The following OSBPL10 variants were observed in gnomAD, a reference collection of about 807,000 sequenced individuals.
OSBPL10 encodes oxysterol-binding protein-related protein 10.
OSBPL10 carries 49 observed loss-of-function variants against 81.7 expected under a neutral mutation model. That is an observed-to-expected ratio of 0.60 (90% confidence interval 0.48 to 0.76). The LOEUF (loss-of-function observed/expected upper bound fraction) is 0.76, where lower values mean the gene tolerates loss of function less well. Ranked by LOEUF, OSBPL10 falls within the 30% of genes least tolerant of loss-of-function variation. The pLI, the probability that OSBPL10 is intolerant of heterozygous loss-of-function variation, is 0.00. For synonymous variants in OSBPL10, 419 were observed against 383.6 expected (o/e 1.09, Z -1.08); for missense variants, 923 against 987.8 (o/e 0.93, Z 0.88).
At chr3:31,875,082 T>TA (rs555527834) in intron 3 of OSBPL10, among the ~76,000 whole-genome samples, 24,251 of 102,900 alleles carry the variant, frequency 0.24, 2,617 homozygotes, top group South Asian at 0.37. Context: ...ATATATTAAG[T>TA]AAAAAAAAAA....
intron 1 of OSBPL10, among the ~76,000 whole-genome samples, chr3:31,918,665 G>C (rs1156391468): frequency 6.6e-6 from 1 of 152,158 alleles, no homozygotes; most frequent in Non-Finnish European, 1.5e-5. Flanking sequence ...AGCAAAGTCA[G>C]TGTATGGGGT....
rs1373529186 is a variant in OSBPL10 at position 31,670,902 on chromosome 3, G to A, written c.1808C>T (p.Pro603Leu). 7.4e-6 allele frequency: 12 copies of A among 1,614,006 alleles called. No individual in the cohort carries two copies. The highest frequency in any genetic ancestry group is 7.6e-6 in the Non-Finnish European group (9 of 1,180,012). Residue 603 changes from proline (P) to leucine (L), a missense_variant, in exon 9 of 12, where the codon CCG becomes CTG. This residue lies in a region of OSBPL10 where 387 missense variants were observed against 436.3 expected (regional missense o/e 0.89). Transcript: ENST00000396556. ...SAYARSILTI[P>L]WVELGGKVSI... The stretch of plus-strand genomic sequence containing the variant: ...GACTTTTCCTCCGAGCTCCACCCAC[G>A]GGATGGTGAGAATGGACCGGGCGTA...
chr3:31,767,880 G>T (rs1023251204), intron 4 of OSBPL10, among the ~76,000 whole-genome samples: 9 of 152,172 alleles, frequency 5.9e-5, no homozygotes, highest in Non-Finnish European at 1.3e-4. Context: ...GAGGTCACAT[G>T]GGTCGTTGGC....
chr3:31,690,729 G>A (rs1352495603), intron 7 of OSBPL10, among the ~76,000 whole-genome samples: 1 of 152,194 alleles, frequency 6.6e-6, no homozygotes, highest in African/African-American at 2.4e-5. Flanking sequence ...AGCAGAATGG[G>A]TTGGGAGCAG....
intron 1 of OSBPL10, among the ~76,000 whole-genome samples, chr3:31,966,835 C>T (rs1462181906): frequency 1.3e-5 from 2 of 152,082 alleles, no homozygotes; most frequent in Non-Finnish European, 2.9e-5. Flanking sequence ...GGGAAATAAG[C>T]ACATGAAAAG....
chr3:32,027,261 T>C (rs1057250879), intron 2 of OSBPL10, among the ~76,000 whole-genome samples: 2 of 152,160 alleles, frequency 1.3e-5, no homozygotes, highest in African/African-American at 2.4e-5. Context: ...CTCCCACTTA[T>C]GAGTGAGAAC....
chr3:31,700,251 G>A (rs1425282754), intron 7 of OSBPL10: 1 of 152,156 alleles, frequency 6.6e-6, no homozygotes, highest in Non-Finnish European at 1.5e-5. Flanking sequence ...TGTGGCTCTG[G>A]AAATGCAAAA....
At chr3:31,713,139 T>C (rs6798710) in intron 6 of OSBPL10, among the ~76,000 whole-genome samples, 133,589 of 152,184 alleles carry the variant, frequency 0.88, 59,241 homozygotes, top group East Asian at 0.98. Flanking sequence ...GAAAGCCCTC[T>C]CCTCTTGACT....
At chr3:31,991,434 A>G (rs1699028180) in intron 2 of OSBPL10, 1 of 167,452 alleles carries the variant, frequency 6.0e-6, no homozygotes. Context: ...ATTTTGATCA[A>G]TGTTTGTAGA....
At chr3:32,051,336 C>G (rs879439018) in intron 1 of OSBPL10, among the ~76,000 whole-genome samples, 1 of 152,182 alleles carries the variant, frequency 6.6e-6, no homozygotes, top group Non-Finnish European at 1.5e-5. Flanking sequence ...TGTTATCTGA[C>G]TTTTTTCCTT....
At chr3:31,908,135 G>T (rs982148749) in intron 1 of OSBPL10, among the ~76,000 whole-genome samples, 2 of 152,166 alleles carry the variant, frequency 1.3e-5, no homozygotes, top group African/African-American at 4.8e-5. Flanking sequence ...GTGTGCTGGA[G>T]AAACAGCCAG....
chr3:31,705,372 ACC>A (rs3840254), intron 6 of OSBPL10, among the ~76,000 whole-genome samples: 70,663 of 130,794 alleles, frequency 0.54, 19,269 homozygotes, highest in Middle Eastern at 0.63. Flanking sequence ...CAAAGAGAAG[ACC>A]CCCCCCCCCA....
chr3:32,038,840 C>G (rs1444977484), intron 2 of OSBPL10, among the ~76,000 whole-genome samples: 2 of 151,958 alleles, frequency 1.3e-5, no homozygotes, highest in Non-Finnish European at 2.9e-5. Context: ...AAAATTATAA[C>G]CTAATAAAGC....
At chr3:31,777,394 C>T (rs1423615707) in intron 4 of OSBPL10, among the ~76,000 whole-genome samples, 1 of 152,166 alleles carries the variant, frequency 6.6e-6, no homozygotes, top group Non-Finnish European at 1.5e-5. Context: ...TCCCCCTAGC[C>T]TGCTGGTTAC....
chr3:31,881,905 A>G (rs1483840543), intron 1 of OSBPL10, among the ~76,000 whole-genome samples: 2 of 152,240 alleles, frequency 1.3e-5, no homozygotes, highest in African/African-American at 2.4e-5. Context: ...GAAGGAATTT[A>G]AAATCCAAGT....
At chr3:31,741,715 G>A (rs549055090) in intron 5 of OSBPL10, among the ~76,000 whole-genome samples, 3 of 152,280 alleles carry the variant, frequency 2.0e-5, no homozygotes, top group Admixed American at 1.3e-4. Flanking sequence ...GATATGGTTT[G>A]GCTCTGTATC....
chr3:32,036,066 T>A (rs912715678), intron 2 of OSBPL10, among the ~76,000 whole-genome samples: 13 of 152,194 alleles, frequency 8.5e-5, no homozygotes, highest in Non-Finnish European at 1.9e-4. Context: ...AAAATTTTTT[T>A]AGACAGGTTC....
intron 6 of OSBPL10, among the ~76,000 whole-genome samples, chr3:31,715,268 C>A (rs1443138774): frequency 6.6e-6 from 1 of 152,172 alleles, no homozygotes; most frequent in Non-Finnish European, 1.5e-5. Context: ...TAGTGGCTAC[C>A]ATATTGGACA....
chr3:31,831,142 C>T (rs1368406345), intron 3 of OSBPL10, among the ~76,000 whole-genome samples: 1 of 152,182 alleles, frequency 6.6e-6, no homozygotes, highest in Non-Finnish European at 1.5e-5. Context: ...TGCGGTGGCT[C>T]ACACCTGTAA....
Sources: allele counts gnomAD v4.1 joint callset (sites outside exome capture counted in the v4.1 genomes callset), GRCh38; gene constraint gnomAD v4.1.1; regional missense constraint gnomAD v4.1.1; transcripts MANE v1.5; gene names NCBI Gene and HGNC (gene_info 2026-07-23, HGNC 2026-07-21).